PLEKHG4B: variants seen among roughly 807,000 people sequenced by gnomAD.
PLEKHG4B encodes the protein pleckstrin homology domain-containing family G member 4B.
A neutral mutation model predicts 121.3 loss-of-function variants in PLEKHG4B; 111 were observed. The ratio of observed to expected loss-of-function variants is 0.92; its 90% confidence interval spans 0.78 to 1.07. The LOEUF is 1.07. Ranked by LOEUF, PLEKHG4B falls within the 50% of genes least tolerant of loss-of-function variation. PLEKHG4B has a pLI of 0.00. For missense variants in PLEKHG4B, 1,831 were observed against 1,757.8 expected, an observed-to-expected ratio of 1.04 and a Z score of -0.74; for synonymous variants, 738 against 725.0, an observed-to-expected ratio of 1.02 and a Z score of -0.29.
rs1553992884 is a variant in PLEKHG4B, at chr5:183,991, C to CGTTAGATAGATA, written c.*1669_*1670insTTAGATAGATAG. 9.6e-6 allele frequency: 1 copy of CGTTAGATAGATA among 104,614 alleles called. No homozygotes were observed. Among genetic ancestry groups the CGTTAGATAGATA allele is most frequent in the African/African-American group, 2.9e-5 (1 of 34,128 alleles). The allele number at this position is 104,614 out of a possible 1,614,324, so 6.5% of individuals were successfully genotyped here. A position where few individuals can be genotyped will look rare whatever the true frequency, so the allele number is the denominator to read the frequency against. On this transcript the variant is annotated 3_prime_UTR_variant, in exon 20 of 20. Transcript: ENST00000637938. ...CAGACAGATAGATAGATAGATAGAT[C>CGTTAGATAGATA]GATAGATAGATAGATAGATAGATAG...
intron 13 of PLEKHG4B, 68 bp from the exon 14 acceptor site, chr5:169,272 G>C: frequency 6.3e-7 from 1 of 1,581,584 alleles, no homozygotes; most frequent in African/African-American, 1.4e-5. Flanking sequence ...TCTGTCTCAG[G>C]CATGAATTGC....
chr5:161,716 G>T lies in PLEKHG4B; in HGVS notation c.2488-67G>T, dbSNP rs569477829. The T allele has an allele frequency of 1.8e-5, 29 of 1,608,886 alleles. No homozygotes were observed. The South Asian group carries it at 3.1e-4, about 17-fold the overall frequency. On this transcript the variant is annotated intron_variant, in intron 11 of 19. Transcript: ENST00000637938. ...GTGCCAGTGGCTACACGCAGACCCA[G>T]CCCACACCTGGAGACATGAACGTGG...
chr5:161,958 T>C lies in PLEKHG4B; in HGVS notation c.2649+14T>C. ...TTGTGCGAGACGGTAAGAGACCCAG[T>C]GGGCGTGCGTCCCAGGGATCCCGGC... On this transcript the variant is annotated intron_variant, in intron 12 of 19. Transcript: ENST00000637938. 6.3e-7 allele frequency: 1 copy of C among 1,597,878 alleles called. No individual in the cohort carries two copies. Among genetic ancestry groups the C allele is most frequent in the Non-Finnish European group, 8.5e-7 (1 of 1,171,906 alleles).
chr5:96,957 T>G (rs185682527), intron 1 of PLEKHG4B, among the ~76,000 whole-genome samples: 20 of 152,348 alleles, frequency 1.3e-4, no homozygotes, highest in Admixed American at 5.2e-4. Context: ...AAATCAACCA[T>G]TTTAAAGTAA....
chr5:107,797 C>T (rs773703937), intron 1 of PLEKHG4B, among the ~76,000 whole-genome samples: 1 of 152,160 alleles, frequency 6.6e-6, no homozygotes, highest in Non-Finnish European at 1.5e-5. Context: ...CTCGGTGGGG[C>T]TCATCAGAGA....
At chr5:164,709 C>CGG (rs1553990121) in intron 13 of PLEKHG4B, among the ~76,000 whole-genome samples, 1 of 65,284 alleles carries the variant, frequency 1.5e-5, no homozygotes, top group South Asian at 5.5e-4. Flanking sequence ...AATGCTCTGA[C>CGG]GGGGCGGAGC....
chr5:125,919 T>G (rs1734599819), intron 2 of PLEKHG4B, among the ~76,000 whole-genome samples: 1 of 152,236 alleles, frequency 6.6e-6, no homozygotes, highest in Non-Finnish European at 1.5e-5. Context: ...TTTGAATGTT[T>G]TGTCCCACTG....
At position 92,170 on chromosome 5, in the gene PLEKHG4B, T is replaced by G. The variant is rs1315833994; in HGVS notation, c.-62T>G. The G allele has an allele frequency of 8.2e-6, 3 of 364,946 alleles. No homozygotes were observed. In the East Asian group the frequency reaches 1.2e-4, roughly 14 times the overall value. 22.6% of individuals were successfully genotyped at this position (364,946 alleles called of 1,614,324 possible). ...CGCGGCGAAGGCGGCCTCGGCCCAGTGCACAGCGGGACCAGGCAGAGTTCG... is the reference window on the plus strand; with the variant it reads ...CGCGGCGAAGGCGGCCTCGGCCCAGGGCACAGCGGGACCAGGCAGAGTTCG... On this transcript the variant is annotated 5_prime_UTR_variant, in exon 1 of 20. Transcript: ENST00000637938.
intron 1 of PLEKHG4B, among the ~76,000 whole-genome samples, chr5:95,910 G>A (rs1733615948): frequency 6.6e-6 from 1 of 152,162 alleles, no homozygotes; most frequent in South Asian, 2.1e-4. Context: ...TGGTGGTGAT[G>A]ACCCCACTCC....
chr5:170,185 C>T (rs1458836177), intron 14 of PLEKHG4B, among the ~76,000 whole-genome samples: 1 of 152,242 alleles, frequency 6.6e-6, no homozygotes. Context: ...AGGCTTTCAA[C>T]AGGCATTCAC....
intron 13 of PLEKHG4B, 115 bp downstream of exon 13, chr5:163,663 C>A: frequency 1.2e-6 from 1 of 861,678 alleles, no homozygotes; most frequent in Non-Finnish European, 1.7e-6. Flanking sequence ...CGCAGACATC[C>A]CTCTGGGTCC....
intron 19 of PLEKHG4B, 78 bp from the exon 20 acceptor site, chr5:181,926 G>A (rs1733404537): frequency 1.2e-5 from 18 of 1,492,376 alleles, no homozygotes; most frequent in Middle Eastern, 1.7e-4. Flanking sequence ...CCTTTCAGAC[G>A]GCTCTGATCC....
At chr5:128,036 A>G (rs1294921310) in intron 2 of PLEKHG4B, among the ~76,000 whole-genome samples, 2 of 152,344 alleles carry the variant, frequency 1.3e-5, no homozygotes, top group East Asian at 1.9e-4. Flanking sequence ...GGTAAAGATA[A>G]AAGATTGTGG....
At position 169,082 on chromosome 5, in the gene PLEKHG4B, G is replaced by A. The variant is rs1183285954; in HGVS notation, c.3477-258G>A. On this transcript the variant is annotated intron_variant, in intron 13 of 19. Transcript: ENST00000637938. ...GTAGAGACGAGGTTTCACCATGTTG[G>A]CCAGGCTGGTCTCGATCTCTTGACC... 1.7e-5 allele frequency: 8 copies of A among 482,190 alleles called. No homozygotes were observed. The Admixed American group carries it at 2.6e-4, about 16-fold the overall frequency. The allele number at this position is 482,190 out of a possible 1,614,324, so 29.9% of individuals were successfully genotyped here. A position where few individuals can be genotyped will look rare whatever the true frequency, so the allele number is the denominator to read the frequency against.
intron 18 of PLEKHG4B, among the ~76,000 whole-genome samples, chr5:176,309 T>C (rs1347310895): frequency 6.6e-6 from 1 of 152,038 alleles, no homozygotes; most frequent in Non-Finnish European, 1.5e-5. Context: ...TCTGCCTGAC[T>C]GTAGTGCACA....
Position 113,474 on chromosome 5 carries a change from GA to G in PLEKHG4B, c.243+27del, listed in dbSNP as rs1303956114. The G allele has an allele frequency of 2.5e-6, 1 of 398,928 alleles. No individual in the cohort carries two copies. Among genetic ancestry groups the G allele is most frequent in the Non-Finnish European group, 4.4e-6 (1 of 226,104 alleles). The allele number at this position is 398,928 out of a possible 1,614,324, so 24.7% of individuals were successfully genotyped here. ...GTGAGTACCTCCCTTGTAGCTCTGA[GA>G]CCGTGGCCAACCTGGAGGAACCTGC... On this transcript the variant is annotated intron_variant, in intron 2 of 19. Coordinates refer to ENST00000637938, the MANE Select transcript of PLEKHG4B (RefSeq NM_052909.5). This position sits in a 1 kb window ranked among gnomAD's most constrained non-coding sequence, Gnocchi z 5.2.
intron 11 of PLEKHG4B, among the ~76,000 whole-genome samples, chr5:158,115 G>C (rs1735853386): frequency 6.6e-6 from 1 of 152,156 alleles, no homozygotes; most frequent in Non-Finnish European, 1.5e-5. Context: ...AGTCCGGGCT[G>C]TCTCCAGTCT....
rs373380026 is a variant in PLEKHG4B, at chr5:170,334, G to A, written c.3730-709G>A. 1.4e-3 allele frequency among the ~76,000 whole-genome samples: 217 copies of A among 151,362 alleles called. 5 individuals are homozygous for A. The South Asian group carries it at 0.042, about 29-fold the overall frequency. On this transcript the variant is annotated intron_variant, in intron 14 of 19. Coordinates refer to ENST00000637938, the MANE Select transcript of PLEKHG4B (RefSeq NM_052909.5). The stretch of plus-strand genomic sequence containing the variant: ...TTTTTTTTCTTTGAGATGAAGTCTC[G>A]CTCTGTTGCCCAGACTGGAGTGCAG...
chr5:143,898 A>C (rs1223064682), intron 5 of PLEKHG4B, among the ~76,000 whole-genome samples: 1 of 152,226 alleles, frequency 6.6e-6, no homozygotes, highest in Non-Finnish European at 1.5e-5. Context: ...AATGTCAGTT[A>C]ATCCTGGAGT....
Sources: gnomAD v4.1 joint callset for allele counts (sites outside exome capture counted in the v4.1 genomes callset) on GRCh38, gnomAD v4.1.1 for gene constraint, Gnocchi (gnomAD v3.1) non-coding constraint, MANE v1.5 for transcripts, NCBI Gene and HGNC (gene_info 2026-07-23, HGNC 2026-07-21) for gene names.